TUBGCP3: variants seen among roughly 807,000 people sequenced by gnomAD.
TUBGCP3 encodes tubulin gamma complex component 3.
Under a neutral mutation model 123.1 loss-of-function variants are expected in TUBGCP3, and 50 were observed. The observed-to-expected ratio is 0.41, with a 90% confidence interval of 0.32 to 0.51. The LOEUF is 0.51. TUBGCP3 is among the 20% of genes least tolerant of loss of function. TUBGCP3 has a pLI of 0.36. For missense variants in TUBGCP3, 882 were observed against 1,127.0 expected, an observed-to-expected ratio of 0.78 and a Z score of 3.11; for synonymous variants, 405 against 413.9, an observed-to-expected ratio of 0.98 and a Z score of 0.26.
chr13:112,566,735 A>T (rs770351409), intron 2 of TUBGCP3, among the ~76,000 whole-genome samples: 8 of 152,244 alleles, frequency 5.3e-5, no homozygotes, highest in Non-Finnish European at 8.8e-5. Context: ...ACAGCACAAT[A>T]AAATAAGAAT....
At chr13:112,542,445 C>T (rs888677787) in intron 11 of TUBGCP3, among the ~76,000 whole-genome samples, 5 of 152,118 alleles carry the variant, frequency 3.3e-5, no homozygotes, top group African/African-American at 1.2e-4. Flanking sequence ...TAGCACCTTA[C>T]CATTGTGATA....
At chr13:112,583,087 C>A (rs376252488) in intron 1 of TUBGCP3, among the ~76,000 whole-genome samples, 5 of 152,254 alleles carry the variant, frequency 3.3e-5, no homozygotes, top group African/African-American at 1.2e-4. Flanking sequence ...TTTACTAGCT[C>A]GATGATAGTG....
At chr13:112,529,838 G>A (rs931028335) in intron 11 of TUBGCP3, among the ~76,000 whole-genome samples, 4 of 152,182 alleles carry the variant, frequency 2.6e-5, no homozygotes, top group Admixed American at 1.3e-4. Flanking sequence ...CATTTCAGTC[G>A]TATCACACCC....
chr13:112,505,191 C>T (rs948820594), intron 17 of TUBGCP3, among the ~76,000 whole-genome samples: 1 of 152,196 alleles, frequency 6.6e-6, no homozygotes, highest in African/African-American at 2.4e-5. Context: ...AGGTCAGCGA[C>T]GAGCTCAGAC....
At chr13:112,554,297 A>G (rs1308410644) in intron 7 of TUBGCP3, 115 bp from the exon 8 acceptor site, 1 of 1,268,302 alleles carries the variant, frequency 7.9e-7, no homozygotes, top group Non-Finnish European at 1.1e-6. Flanking sequence ...TTCAAGACAT[A>G]AAAGTTAAAA....
chr13:112,496,266 G>A (rs909826841), intron 20 of TUBGCP3, among the ~76,000 whole-genome samples: 1 of 152,166 alleles, frequency 6.6e-6, no homozygotes, highest in Non-Finnish European at 1.5e-5. Context: ...GAAGAAAAGT[G>A]GAAAGAAACA....
the TUBGCP3 span, among the ~76,000 whole-genome samples, chr13:112,600,906 T>A: frequency 1.3e-5 from 2 of 152,260 alleles, no homozygotes; most frequent in East Asian, 1.9e-4. Context: ...AATTTAATTT[T>A]AAAACACAAT....
chr13:112,503,779 A>C (rs966632526), intron 19 of TUBGCP3, among the ~76,000 whole-genome samples: 8 of 152,192 alleles, frequency 5.3e-5, no homozygotes, highest in Non-Finnish European at 7.3e-5. Flanking sequence ...ATATCTAGAA[A>C]ATGAAAAGGT....
chr13:112,598,393 G>A, the TUBGCP3 span, among the ~76,000 whole-genome samples: 2 of 151,182 alleles, frequency 1.3e-5, no homozygotes, highest in Admixed American at 1.3e-4. Context: ...CATGAATACA[G>A]GATAAATATG....
chr13:112,523,539 C>A (rs1876798612), intron 13 of TUBGCP3, among the ~76,000 whole-genome samples: 2 of 152,210 alleles, frequency 1.3e-5, no homozygotes, highest in Admixed American at 1.3e-4. Context: ...CACGGAACCC[C>A]TTGATGAGCT....
At position 112,548,169 on chromosome 13, in the gene TUBGCP3, C is replaced by A; in HGVS notation, c.974G>T (p.Cys325Phe). Reference sequence around the variant, plus strand: ...TCTGAGTTCCTGGTGCAAGGCAGCACAAAAGCTCTGTTTGGAGGAGAAATA... The same window carrying A: ...TCTGAGTTCCTGGTGCAAGGCAGCAAAAAAGCTCTGTTTGGAGGAGAAATA... Reference protein sequence around the residue: ...RSFGLVGQSFCAALHQELREY... With the variant: ...RSFGLVGQSFFAALHQELREY... Residue 325 changes from cysteine (C) to phenylalanine (F), a missense_variant, in exon 9 of 22, where the codon TGT becomes TTT. Cys to Phe is a radical substitution (Grantham distance 205). This residue lies in a region of TUBGCP3 where 713 missense variants were observed against 874.0 expected (regional missense o/e 0.82). Coordinates refer to ENST00000261965, the MANE Select transcript of TUBGCP3 (RefSeq NM_006322.6). 6.2e-7 allele frequency: 1 copy of A among 1,601,978 alleles called. No individual in the cohort carries two copies. The highest frequency in any genetic ancestry group is 1.1e-5 in the South Asian group (1 of 88,282).
chr13:112,526,174 TCAC>T (rs368121415), intron 13 of TUBGCP3, among the ~76,000 whole-genome samples: 73 of 151,550 alleles, frequency 4.8e-4, no homozygotes, highest in East Asian at 4.3e-3. Flanking sequence ...ATCACTATCA[TCAC>T]CACCATCACT....
chr13:112,516,512 G>A lies in TUBGCP3; in HGVS notation c.2014C>T (p.Arg672Trp). The part of the protein sequence containing the change: ...RVFNFLWRAK[R>W]MEYILTDIRK... ...ATGTCAGTGAGGATGTATTCCATCC[G>A]CTTCGCCCTCCAGAGGAAGTTAAAT... Residue 672 changes from arginine to tryptophan, a missense_variant, in exon 17 of 22, where the codon CGG (arginine) becomes TGG (tryptophan). By Grantham distance (101) the Arg-to-Trp change is moderately radical. Transcript: ENST00000261965. 2.5e-6 allele frequency: 4 copies of A among 1,614,024 alleles called. No homozygotes were observed. The highest frequency in any genetic ancestry group is 3.4e-6 in the Non-Finnish European group (4 of 1,180,006).
intron 20 of TUBGCP3, among the ~76,000 whole-genome samples, chr13:112,498,089 A>T (rs1349212236): frequency 2.0e-5 from 3 of 149,404 alleles, no homozygotes; most frequent in Non-Finnish European, 4.4e-5. Context: ...GCACACACAC[A>T]AACACATACA....
chr13:112,487,666 G>A (rs919709444), intron 21 of TUBGCP3, among the ~76,000 whole-genome samples: 23 of 152,096 alleles, frequency 1.5e-4, no homozygotes, highest in African/African-American at 4.8e-4. Context: ...AGAAGGCATC[G>A]TGTCAAAACA....
intron 14 of TUBGCP3, among the ~76,000 whole-genome samples, chr13:112,520,890 G>A (rs1566548509): frequency 6.6e-6 from 1 of 152,172 alleles, no homozygotes; most frequent in Non-Finnish European, 1.5e-5. Context: ...AAAACACAGG[G>A]CAGAGACAAG....
At position 112,508,133 on chromosome 13, in the gene TUBGCP3, T is replaced by C. The variant is rs904391879; in HGVS notation, c.2087-3419A>G. On this transcript the variant is annotated intron_variant, in intron 17 of 21. Coordinates refer to ENST00000261965, the MANE Select transcript of TUBGCP3 (RefSeq NM_006322.6). The surrounding 1 kb of genome is among the most constrained non-coding windows in gnomAD (Gnocchi z 4.2). ...TCCCGCAGCCCTGGCCCCACCAGGTTTGCATTGCTTCGCTGTCATGGCTTT... is the reference window on the plus strand; with the variant it reads ...TCCCGCAGCCCTGGCCCCACCAGGTCTGCATTGCTTCGCTGTCATGGCTTT... 2.0e-5 allele frequency among the ~76,000 whole-genome samples: 3 copies of C among 152,120 alleles called. No individual in the cohort carries two copies. Among genetic ancestry groups the C allele is most frequent in the African/African-American group, 7.2e-5 (3 of 41,432 alleles).
At position 112,526,955 on chromosome 13, in the gene TUBGCP3, C is replaced by T. The variant is rs1412375772; in HGVS notation, c.1542G>A (p.Glu514=). 1 of 1,613,834 alleles carries T rather than the reference C, an allele frequency of 6.2e-7. No homozygotes were observed. The change falls in exon 13 of 22, where the codon GAG becomes GAA. Residue 514 remains glutamate, a synonymous_variant. Transcript: ENST00000261965. ...GCATCATCATACCGTCCTGGGGTGA[C>T]TCTGCAGACTTGGTCACAGCTATCA... ...TKMIAVTKSA[E]SPQDAADLFT...
intron 11 of TUBGCP3, among the ~76,000 whole-genome samples, chr13:112,528,945 C>T (rs545451554): frequency 3.0e-4 from 46 of 152,170 alleles, no homozygotes; most frequent in African/African-American, 1.1e-3. Context: ...TCTGCCTCCC[C>T]AGCTCAAGCC....
Sources: allele counts gnomAD v4.1 joint callset (sites outside exome capture counted in the v4.1 genomes callset), GRCh38; gene constraint gnomAD v4.1.1; regional missense constraint gnomAD v4.1.1; non-coding constraint Gnocchi (gnomAD v3.1); transcripts MANE v1.5; gene names NCBI Gene and HGNC (gene_info 2026-07-23, HGNC 2026-07-21).